The following KIF13B variants were observed in gnomAD, a reference collection of about 807,000 sequenced individuals.
KIF13B encodes the protein kinesin family member 13B, also known as kinesin-like protein KIF13B.
Under a neutral mutation model 222.0 loss-of-function variants are expected in KIF13B, and 127 were observed. The ratio of observed to expected loss-of-function variants is 0.57; its 90% confidence interval spans 0.50 to 0.66. The LOEUF is 0.66. KIF13B is among the 30% of genes least tolerant of loss of function. KIF13B has a pLI of 0.00. For synonymous variants in KIF13B, 976 were observed against 919.0 expected, an observed-to-expected ratio of 1.06 and a Z score of -1.12; for missense variants, 2,173 against 2,379.0, an observed-to-expected ratio of 0.91 and a Z score of 1.80.
intron 2 of KIF13B, among the ~76,000 whole-genome samples, chr8:29,240,086 A>G (rs1276758911): frequency 6.6e-6 from 1 of 151,380 alleles, no homozygotes; most frequent in Non-Finnish European, 1.5e-5. Context: ...ACCAAGTTTG[A>G]GCTTTCTCCC....
At chr8:29,137,904 C>T (rs62502830) in intron 21 of KIF13B, among the ~76,000 whole-genome samples, 4,814 of 152,196 alleles carry the variant, frequency 0.032, 119 homozygotes, top group Non-Finnish European at 0.048. Context: ...CTCCCACTGG[C>T]CAAAGATGGG....
At chr8:29,168,558 C>A (rs1812105329) in intron 10 of KIF13B, among the ~76,000 whole-genome samples, 1 of 152,194 alleles carries the variant, frequency 6.6e-6, no homozygotes. Context: ...TGGCTTCTGT[C>A]TTGGGTGTTT....
intron 1 of KIF13B, among the ~76,000 whole-genome samples, chr8:29,260,576 G>GA (rs1208524024): frequency 6.7e-6 from 1 of 148,520 alleles, no homozygotes; most frequent in Non-Finnish European, 1.5e-5. Context: ...ATACAAGGAA[G>GA]AAAAAAAAGG....
chr8:29,143,910 C>G (rs967680079), intron 18 of KIF13B, among the ~76,000 whole-genome samples: 2 of 151,562 alleles, frequency 1.3e-5, no homozygotes, highest in Non-Finnish European at 2.9e-5. Flanking sequence ...CACCTCCCCC[C>G]CAAAAAAAGT....
intron 1 of KIF13B, among the ~76,000 whole-genome samples, chr8:29,252,470 T>G (rs1816320419): frequency 6.6e-6 from 1 of 152,252 alleles, no homozygotes. Context: ...CCAAATCTAT[T>G]ATGCAGAAAC....
At chr8:29,156,773 A>G (rs1243878047) in intron 13 of KIF13B, among the ~76,000 whole-genome samples, 1 of 148,354 alleles carries the variant, frequency 6.7e-6, no homozygotes, top group Non-Finnish European at 1.5e-5. Context: ...CTTCCACTTC[A>G]CCCTCCTGAA....
intron 14 of KIF13B, among the ~76,000 whole-genome samples, chr8:29,154,699 A>G (rs532062739): frequency 1.8e-4 from 27 of 152,244 alleles, no homozygotes; most frequent in African/African-American, 5.1e-4. Flanking sequence ...CGCAACGATG[A>G]CGTGGCCTGC....
At chr8:29,145,459 C>G (rs1811016819) in intron 18 of KIF13B, among the ~76,000 whole-genome samples, 1 of 152,020 alleles carries the variant, frequency 6.6e-6, no homozygotes, top group Non-Finnish European at 1.5e-5. Context: ...AGCAAAACCC[C>G]ATCTCTACTA....
chr8:29,091,651 A>G (rs1469825544), intron 37 of KIF13B, among the ~76,000 whole-genome samples: 2 of 152,220 alleles, frequency 1.3e-5, no homozygotes, highest in East Asian at 3.8e-4. Flanking sequence ...ATAACGTACA[A>G]AATAATGACC....
chr8:29,131,927 TA>T, intron 23 of KIF13B, among the ~76,000 whole-genome samples: 3 of 152,288 alleles, frequency 2.0e-5, no homozygotes, highest in Non-Finnish European at 2.9e-5. Context: ...ATGGCAGTAC[TA>T]ATCTCTAGCA....
Position 29,070,798 on chromosome 8 carries a change from C to G in KIF13B, c.5219-32G>C. The G allele has an allele frequency of 6.3e-7, 1 of 1,576,572 alleles. No individual in the cohort carries two copies. The highest frequency in any genetic ancestry group is 1.2e-5 in the South Asian group (1 of 85,996). On this transcript the variant is annotated intron_variant, in intron 39 of 39. Transcript: ENST00000524189. This position sits in a 1 kb window ranked among gnomAD's most constrained non-coding sequence, Gnocchi z 4.1. ...GGGAAGGAGAGGGTGATATGGAGGG[C>G]AGCCGAGCTGCAGACGGCCCCCTGC...
At chr8:29,174,356 GA>G (rs1246092855) in intron 10 of KIF13B, among the ~76,000 whole-genome samples, 3 of 151,492 alleles carry the variant, frequency 2.0e-5, no homozygotes, top group Non-Finnish European at 2.9e-5. Flanking sequence ...TCTAATTACA[GA>G]AAAAAAACTA....
chr8:29,141,750 C>G lies in KIF13B; in HGVS notation c.2334+407G>C, dbSNP rs530356055. On this transcript the variant is annotated intron_variant, in intron 19 of 39. Transcript: ENST00000524189. Reference sequence around the variant, plus strand: ...TGGAGTGTAAATATTAAGATACCACCGATGTTCAACTTACAAAACATATAT... The same window carrying G: ...TGGAGTGTAAATATTAAGATACCACGGATGTTCAACTTACAAAACATATAT... Among the ~76,000 whole-genome samples the G allele has an allele frequency of 2.4e-4, 37 of 152,194 alleles. 1 individual carries two copies. The South Asian group carries it at 6.7e-3, about 27-fold the overall frequency.
chr8:29,162,253 C>G (rs570103220), intron 12 of KIF13B, among the ~76,000 whole-genome samples: 1 of 152,120 alleles, frequency 6.6e-6, no homozygotes, highest in African/African-American at 2.4e-5. Flanking sequence ...AAAGTAAGTT[C>G]GCAGCATAAT....
intron 24 of KIF13B, among the ~76,000 whole-genome samples, chr8:29,127,985 CAT>C (rs1159387345): frequency 2.0e-5 from 3 of 151,374 alleles, no homozygotes; most frequent in African/African-American, 7.3e-5. Context: ...AAACATATGA[CAT>C]GTTAAAGTAC....
intron 10 of KIF13B, among the ~76,000 whole-genome samples, chr8:29,168,527 G>C (rs936512859): frequency 4.6e-5 from 7 of 152,222 alleles, no homozygotes; most frequent in Admixed American, 6.5e-5. Context: ...TCACCTCTAA[G>C]GGTAGATTCA....
intron 8 of KIF13B, among the ~76,000 whole-genome samples, chr8:29,179,675 G>C (rs2130268115): frequency 6.6e-6 from 1 of 152,314 alleles, no homozygotes; most frequent in East Asian, 1.9e-4. Context: ...CTGGCAGCGG[G>C]ACTGGGGAAA....
At position 29,146,419 on chromosome 8, in the gene KIF13B, T is replaced by C; in HGVS notation, c.2146A>G (p.Thr716Ala). 1 of 1,613,918 alleles carries C rather than the reference T, an allele frequency of 6.2e-7. No individual in the cohort carries two copies. The highest frequency in any genetic ancestry group is 8.5e-7 in the Non-Finnish European group (1 of 1,179,864). ...ELDKRTEYKVTLQIPASSLDA... is the reference protein window; with the variant it reads ...ELDKRTEYKVALQIPASSLDA... ...AGGCTGGAGGCTGGAATCTGTAGGGTAACTTTGTATTCTGTTCTTTTATCC... is the reference window on the plus strand; with the variant it reads ...AGGCTGGAGGCTGGAATCTGTAGGGCAACTTTGTATTCTGTTCTTTTATCC... Residue 716 changes from threonine to alanine, a missense_variant, in exon 18 of 40, where the codon ACC becomes GCC. Transcript: ENST00000524189.
Position 29,137,159 on chromosome 8 carries a change from T to C in KIF13B, c.2613+2904A>G, listed in dbSNP as rs115869225. Among the ~76,000 whole-genome samples the C allele has an allele frequency of 1.7e-3, 265 of 152,246 alleles. 1 individual carries two copies. Among genetic ancestry groups the C allele is most frequent in the African/African-American group, 6.1e-3 (253 of 41,524 alleles). ...CATACTTCTTAGTGACTAAATTCCA[T>C]CTGAAAACCTTTTTTTACCATTCAA... On this transcript the variant is annotated intron_variant, in intron 21 of 39. Transcript: ENST00000524189.
Sources: gnomAD v4.1 joint callset for allele counts (sites outside exome capture counted in the v4.1 genomes callset) on GRCh38, gnomAD v4.1.1 for gene constraint, Gnocchi (gnomAD v3.1) non-coding constraint, MANE v1.5 for transcripts, NCBI Gene and HGNC (gene_info 2026-07-23, HGNC 2026-07-21) for gene names.